The following GRIN2A variants were observed in gnomAD, a reference collection of about 807,000 sequenced individuals.
GRIN2A encodes the protein glutamate ionotropic receptor NMDA type subunit 2A.
In GRIN2A, 22 loss-of-function variants were observed where a neutral mutation model predicts 113.4. That is an observed-to-expected ratio of 0.19 (90% CI 0.14 to 0.28). The LOEUF (loss-of-function observed/expected upper bound fraction) is 0.28. GRIN2A is among the 10% of genes least tolerant of loss of function. The pLI, the probability that GRIN2A is intolerant of heterozygous loss-of-function variation, is 1.00. For missense variants in GRIN2A, 1,502 were observed against 1,887.0 expected, an observed-to-expected ratio of 0.80 and a Z score of 3.78; for synonymous variants, 827 against 738.4, an observed-to-expected ratio of 1.12 and a Z score of -1.94.
chr16:10,016,289 T>C (rs1366249613), intron 2 of GRIN2A, among the ~76,000 whole-genome samples: 3 of 152,166 alleles, frequency 2.0e-5, no homozygotes, highest in African/African-American at 7.2e-5. Context: ...TGGTTTCCCA[T>C]GTAGCCTGTG....
chr16:9,785,763 G>C (rs1376365822), intron 11 of GRIN2A, among the ~76,000 whole-genome samples: 1 of 152,138 alleles, frequency 6.6e-6, no homozygotes, highest in Non-Finnish European at 1.5e-5. Flanking sequence ...CACCCAGAAA[G>C]GATGTAGAAA....
At chr16:10,182,487 G>T (rs920504148), upstream of GRIN2A, 1 of 152,264 alleles carries the variant, frequency 6.6e-6, no homozygotes, top group African/African-American at 2.4e-5. Flanking sequence ...AGTAGGAGAG[G>T]GGGAGGGAAG....
chr16:9,808,251 C>T (rs1181316079), intron 10 of GRIN2A, among the ~76,000 whole-genome samples: 2 of 152,174 alleles, frequency 1.3e-5, no homozygotes, highest in South Asian at 2.1e-4. Context: ...GTGAAGGCAG[C>T]ACAATTAGTA....
chr16:10,127,654 C>G (rs71379071), intron 2 of GRIN2A, among the ~76,000 whole-genome samples: 13,774 of 152,190 alleles, frequency 0.091, 663 homozygotes, highest in Middle Eastern at 0.12. Flanking sequence ...GTATCCCTAG[C>G]AACTAGCACA....
At chr16:10,099,819 A>C (rs999638530) in intron 2 of GRIN2A, among the ~76,000 whole-genome samples, 2 of 152,228 alleles carry the variant, frequency 1.3e-5, no homozygotes, top group African/African-American at 4.8e-5. Context: ...TTGTTATTCC[A>C]AACACCAGTA....
intron 2 of GRIN2A, among the ~76,000 whole-genome samples, chr16:10,059,272 T>C (rs2047509567): frequency 6.6e-6 from 1 of 152,012 alleles, no homozygotes; most frequent in African/African-American, 2.4e-5. Context: ...ATAACAGATC[T>C]ACATTATATT....
chr16:9,809,105 C>A (rs943240150), intron 10 of GRIN2A, among the ~76,000 whole-genome samples: 4 of 134,514 alleles, frequency 3.0e-5, no homozygotes, highest in Admixed American at 7.1e-5. Flanking sequence ...AAATTTTATT[C>A]TGTGTGGACA....
chr16:10,147,650 A>AAG lies in GRIN2A; in HGVS notation c.414+32347_414+32348insCT, dbSNP rs1555487694. On this transcript the variant is annotated intron_variant, in intron 2 of 12. Transcript: ENST00000330684. Reference sequence around the variant, plus strand: ...AGGCCCTGTCTCAAAAAAAAAAAAAAAAGAAGAAGAAGAAGAAGTGTATAC... The same window carrying AAG: ...AGGCCCTGTCTCAAAAAAAAAAAAAAAGAAGAAGAAGAAGAAGAAGTGTATAC... Among the ~76,000 whole-genome samples the AAG allele has an allele frequency of 3.4e-4, 49 of 145,130 alleles. 1 individual carries two copies. The highest frequency in any genetic ancestry group is 9.4e-4 in the Admixed American group (14 of 14,950).
rs553420574 is a variant in GRIN2A at position 9,890,770 on chromosome 16, C to T, written c.1122+216G>A. 5.3e-5 allele frequency among the ~76,000 whole-genome samples: 8 copies of T among 152,270 alleles called. No individual in the cohort carries two copies. In the East Asian group the frequency reaches 1.2e-3, roughly 22 times the overall value. ...CTGGGATTTGAGAACAGACATACAG[C>T]GCACCACACAATTACCACAGTTCAC... On this transcript the variant is annotated intron_variant, in intron 4 of 12. Transcript: ENST00000330684.
At chr16:10,122,057 C>T (rs555125879) in intron 2 of GRIN2A, among the ~76,000 whole-genome samples, 1 of 152,186 alleles carries the variant, frequency 6.6e-6, no homozygotes. Flanking sequence ...CAGCAGGGAT[C>T]CCACTGAAGT....
In GRIN2A at chr16:9,763,629, G is replaced by C. The variant is rs199830697; in HGVS notation, c.3915C>G (p.Ser1305Arg). 5 of 1,613,228 alleles carry C rather than the reference G, an allele frequency of 3.1e-6. No homozygotes were observed. In the Admixed American group the frequency reaches 8.3e-5, roughly 27 times the overall value. ...TGAGGCTTATGCTCCGGGAGGGCCT[G>C]CTAAGGTCTAGCTCCCTAGGTTTGT... ...IVDKPRELDL[S>R]RPSRSISLKD... The change falls in exon 13 of 13, where the codon AGC (serine) becomes AGG (arginine). Residue 1305 changes from serine (S) to arginine (R), a missense_variant. Around this residue, in one of 7 missense-constraint regions of GRIN2A, gnomAD observed 832 missense variants for 789.7 expected, o/e 1.05. Transcript: ENST00000330684.
Position 9,849,880 on chromosome 16 carries a change from C to A in GRIN2A, c.1204G>T (p.Asp402Tyr). The change falls in exon 5 of 13, where the codon GAT becomes TAT. Residue 402 changes from aspartate to tyrosine, a missense_variant. By Grantham distance (160) the Asp-to-Tyr change is radical. Around this residue, in one of 7 missense-constraint regions of GRIN2A, gnomAD observed 334 missense variants for 403.0 expected, o/e 0.83. Transcript: ENST00000330684. Reference protein sequence around the residue: ...RYKSFSDCEPDDNHLSIVTLE... With the variant: ...RYKSFSDCEPYDNHLSIVTLE... ...GTGACGATGCTGAGATGGTTGTCATCCGGCTCACAGTCGGAGAAGGACTTG... is the reference window on the plus strand; with the variant it reads ...GTGACGATGCTGAGATGGTTGTCATACGGCTCACAGTCGGAGAAGGACTTG... 1 of 1,614,050 alleles carries A rather than the reference C, an allele frequency of 6.2e-7. No individual in the cohort carries two copies.
intron 2 of GRIN2A, among the ~76,000 whole-genome samples, chr16:10,006,033 T>C (rs2046399120): frequency 6.6e-6 from 1 of 152,242 alleles, no homozygotes; most frequent in East Asian, 1.9e-4. Flanking sequence ...AGTGAAGATC[T>C]ATGTAAGGAT....
At chr16:9,942,305 T>A (rs138031378) in intron 2 of GRIN2A, among the ~76,000 whole-genome samples, 85 of 152,238 alleles carry the variant, frequency 5.6e-4, no homozygotes, top group African/African-American at 1.4e-3. Context: ...TGCACCAGCT[T>A]TATAGTTGAA....
chr16:9,808,872 T>C (rs945204355), intron 10 of GRIN2A, among the ~76,000 whole-genome samples: 4 of 151,926 alleles, frequency 2.6e-5, no homozygotes, highest in South Asian at 4.2e-4. Flanking sequence ...TCCCCAACGA[T>C]CCTTAACACA....
At chr16:9,902,180 G>C (rs954926102) in intron 3 of GRIN2A, among the ~76,000 whole-genome samples, 4 of 152,170 alleles carry the variant, frequency 2.6e-5, no homozygotes, top group Admixed American at 6.5e-5. Context: ...CAATAATAAA[G>C]CTTACATTTC....
chr16:9,852,015 C>T (rs1002061095), intron 4 of GRIN2A, among the ~76,000 whole-genome samples: 9 of 152,186 alleles, frequency 5.9e-5, no homozygotes, highest in Non-Finnish European at 5.9e-5. Context: ...ATATCTCCAC[C>T]GTAGCATTTT....
intron 2 of GRIN2A, among the ~76,000 whole-genome samples, chr16:9,958,694 A>G (rs2045361704): frequency 6.6e-6 from 1 of 152,086 alleles, no homozygotes; most frequent in Non-Finnish European, 1.5e-5. Context: ...TCAGTTGCAT[A>G]TATTCGTTTG....
intron 2 of GRIN2A, among the ~76,000 whole-genome samples, chr16:10,061,851 T>A (rs1287241520): frequency 6.6e-6 from 1 of 152,144 alleles, no homozygotes; most frequent in Non-Finnish European, 1.5e-5. Flanking sequence ...AGGGGACACC[T>A]TCATAAACAG....
Sources: allele counts gnomAD v4.1 joint callset (sites outside exome capture counted in the v4.1 genomes callset), GRCh38; gene constraint gnomAD v4.1.1; regional missense constraint gnomAD v4.1.1; transcripts MANE v1.5; gene names NCBI Gene and HGNC (gene_info 2026-07-23, HGNC 2026-07-21).